Variants in GPHN observed in about 807,000 individuals in gnomAD.
GPHN encodes the protein gephyrin.
GPHN carries 17 observed loss-of-function variants against 95.5 expected under a neutral mutation model. The observed-to-expected ratio is 0.18, with a 90% CI of 0.12 to 0.27. The LOEUF (loss-of-function observed/expected upper bound fraction) is 0.27. Ranked by LOEUF, GPHN falls within the 10% of genes least tolerant of loss-of-function variation. The pLI is 1.00. For synonymous variants in GPHN, 320 were observed against 322.5 expected (o/e 0.99, Z 0.08); for missense variants, 660 against 978.1 (o/e 0.67, Z 4.34).
chr14:66,745,364 T>C (rs918359246), intron 2 of GPHN, among the ~76,000 whole-genome samples: 3 of 152,092 alleles, frequency 2.0e-5, no homozygotes, highest in African/African-American at 7.2e-5. Context: ...TACTTCAGCA[T>C]GTTTCCCTAA....
the GPHN span, among the ~76,000 whole-genome samples, chr14:67,319,784 T>C: frequency 6.6e-6 from 1 of 152,246 alleles, no homozygotes; most frequent in Non-Finnish European, 1.5e-5. Flanking sequence ...ACACTGGTTG[T>C]AGCCACTATA....
intron 4 of GPHN, among the ~76,000 whole-genome samples, chr14:66,833,632 A>T (rs1441095120): frequency 6.7e-6 from 1 of 149,946 alleles, no homozygotes; most frequent in Non-Finnish European, 1.5e-5. Flanking sequence ...GACTAACTTT[A>T]TTCTCTTTGG....
At chr14:66,900,252 TTTA>T (rs143158798) in intron 5 of GPHN, among the ~76,000 whole-genome samples, 242 of 152,070 alleles carry the variant, frequency 1.6e-3, no homozygotes, top group African/African-American at 5.4e-3. Context: ...TTATCTGCTC[TTTA>T]TTATTTCATT....
the GPHN span, among the ~76,000 whole-genome samples, chr14:67,273,117 C>A: frequency 9.8e-5 from 14 of 143,068 alleles, no homozygotes; most frequent in African/African-American, 3.6e-4. Flanking sequence ...ATATTTCTTT[C>A]TTTTTTTTTT....
chr14:66,526,194 C>G (rs369564873), intron 1 of GPHN, among the ~76,000 whole-genome samples: 3 of 152,052 alleles, frequency 2.0e-5, no homozygotes, highest in African/African-American at 7.3e-5. Context: ...TTAAAGAGGT[C>G]CTTCACATCC....
At chr14:67,339,011 T>A in the GPHN span, among the ~76,000 whole-genome samples, 4 of 146,198 alleles carry the variant, frequency 2.7e-5, no homozygotes, top group African/African-American at 1.0e-4. Context: ...TTTTTTTTTT[T>A]GAGATGGAGT....
At chr14:67,710,592 C>T in the GPHN span, among the ~76,000 whole-genome samples, 1 of 151,638 alleles carries the variant, frequency 6.6e-6, no homozygotes, top group East Asian at 1.9e-4. Context: ...AGCTTTCTTA[C>T]AAAAAAAATC....
chr14:66,595,292 A>G (rs6573688), intron 1 of GPHN, among the ~76,000 whole-genome samples: 47,218 of 152,044 alleles, frequency 0.31, 11,184 homozygotes, highest in African/African-American at 0.64. Flanking sequence ...CAATTTTACT[A>G]TTTAGTGTAT....
At chr14:66,811,301 G>C (rs976878477) in intron 3 of GPHN, among the ~76,000 whole-genome samples, 1 of 151,686 alleles carries the variant, frequency 6.6e-6, no homozygotes, top group Non-Finnish European at 1.5e-5. Flanking sequence ...AAAATAAAAC[G>C]TAAAAAAAGA....
the GPHN span, among the ~76,000 whole-genome samples, chr14:67,512,197 A>G: frequency 6.6e-6 from 1 of 152,206 alleles, no homozygotes. Flanking sequence ...AGCCAGTGTG[A>G]CAACTCTCAG....
the GPHN span, among the ~76,000 whole-genome samples, chr14:67,379,897 G>A: frequency 2.9e-3 from 444 of 151,736 alleles, 4 homozygotes; most frequent in African/African-American, 0.01. Context: ...CTCGTGATCC[G>A]CCCGCCTCGG....
chr14:67,066,182 T>C (rs1265793890), intron 11 of GPHN, among the ~76,000 whole-genome samples: 1 of 152,220 alleles, frequency 6.6e-6, no homozygotes, highest in Non-Finnish European at 1.5e-5. Flanking sequence ...ACTTTATTTC[T>C]CCTTCATTTA....
chr14:66,703,848 A>G (rs2068793450), intron 2 of GPHN, among the ~76,000 whole-genome samples: 1 of 152,130 alleles, frequency 6.6e-6, no homozygotes, highest in Admixed American at 6.5e-5. Context: ...TGGCAAATTA[A>G]TAAATTTTCA....
chr14:67,338,813 G>A, the GPHN span: 1 of 1,509,014 alleles, frequency 6.6e-7, no homozygotes, highest in South Asian at 1.3e-5. Flanking sequence ...TCAATATTAA[G>A]TAGATTTGAT....
chr14:67,464,201 A>G, the GPHN span, among the ~76,000 whole-genome samples: 2 of 152,120 alleles, frequency 1.3e-5, no homozygotes, highest in Non-Finnish European at 2.9e-5. Context: ...AGTTTTGCCA[A>G]AACAAAACAG....
chr14:67,672,084 C>CA, the GPHN span, among the ~76,000 whole-genome samples: 1 of 151,704 alleles, frequency 6.6e-6, no homozygotes, highest in East Asian at 1.9e-4. Context: ...ATGGGCATTG[C>CA]AAAAATTAAT....
At chr14:66,665,853 A>G (rs1229836163) in intron 1 of GPHN, among the ~76,000 whole-genome samples, 2 of 152,202 alleles carry the variant, frequency 1.3e-5, no homozygotes, top group Admixed American at 6.5e-5. Context: ...AACCTCCCCA[A>G]ATGTCCATCA....
the GPHN span, among the ~76,000 whole-genome samples, chr14:67,344,681 C>G: frequency 1.3e-5 from 2 of 151,782 alleles, no homozygotes; most frequent in African/African-American, 4.8e-5. Flanking sequence ...GAGTTTGAGA[C>G]CAGCCTGGGC....
chr14:67,698,768 C>T, the GPHN span, among the ~76,000 whole-genome samples: 29 of 152,174 alleles, frequency 1.9e-4, no homozygotes, highest in African/African-American at 6.8e-4. Flanking sequence ...CTCGACTCTG[C>T]TGTTGTAAAT....
Sources: gnomAD v4.1 joint callset for allele counts (sites outside exome capture counted in the v4.1 genomes callset) on GRCh38, gnomAD v4.1.1 for gene constraint, MANE v1.5 for transcripts, NCBI Gene and HGNC (gene_info 2026-07-23, HGNC 2026-07-21) for gene names.